The following MROH9 variants were observed in gnomAD, a reference collection of about 807,000 sequenced individuals.
The protein encoded by MROH9 is maestro heat-like repeat-containing protein family member 9.
MROH9 carries 92 observed loss-of-function variants against 98.2 expected under a neutral mutation model. The observed-to-expected ratio is 0.94, with a 90% CI of 0.79 to 1.11. The LOEUF (loss-of-function observed/expected upper bound fraction) is 1.11. Ranked by LOEUF, MROH9 falls within the 50% of genes most tolerant of loss-of-function variation. The pLI, the probability that MROH9 is intolerant of heterozygous loss-of-function variation, is 0.00. For synonymous variants in MROH9, 397 were observed against 368.9 expected, an observed-to-expected ratio of 1.08 and a Z score of -0.87; for missense variants, 1,057 against 1,014.8, an observed-to-expected ratio of 1.04 and a Z score of -0.57.
intron 1 of MROH9, among the ~76,000 whole-genome samples, chr1:170,939,984 C>G (rs1287278601): frequency 6.6e-6 from 1 of 152,198 alleles, no homozygotes; most frequent in East Asian, 1.9e-4. Context: ...TGTCCAAGTA[C>G]CAGAGCAGAC....
chr1:170,984,314 A>C (rs1651046708), intron 9 of MROH9, among the ~76,000 whole-genome samples: 3 of 152,184 alleles, frequency 2.0e-5, no homozygotes, highest in Admixed American at 6.5e-5. Flanking sequence ...GATGGGTTGA[A>C]TTGTGGGAGG....
Position 170,959,593 on chromosome 1 carries a change from T to C in MROH9, c.284T>C (p.Met95Thr), listed in dbSNP as rs1649935493. 2.5e-6 allele frequency: 4 copies of C among 1,611,168 alleles called. 1 individual carries two copies. The highest frequency in any genetic ancestry group is 3.3e-4 in the Middle Eastern group (2 of 6,034). Residue 95 changes from methionine to threonine, a missense_variant, in exon 5 of 22, where the codon ATG (methionine) becomes ACG (threonine). Coordinates refer to ENST00000367759, the MANE Select transcript of MROH9 (RefSeq NM_001163629.2). ...AGCAGTTATGAGTACATTGAGGACA[T>C]GGAGGTAAAATTTTTCTTCCTTTAA... ...MGSSYEYIED[M>T]ENLYHNILNI...
rs181563828 is a variant in MROH9, at chr1:171,034,345, G to A, written c.2281+8925G>A. Among the ~76,000 whole-genome samples the A allele has an allele frequency of 6.2e-4, 94 of 152,234 alleles. 1 individual carries two copies. Among genetic ancestry groups the A allele is most frequent in the African/African-American group, 2.1e-3 (87 of 41,554 alleles). ...GAGGATGGAATTCATCTAACTAATG[G>A]ATGAATGGATGAACTATTGCAAAAA... is the stretch of plus-strand genomic sequence containing the variant. On this transcript the variant is annotated intron_variant, in intron 20 of 21. Transcript: ENST00000367759.
intron 1 of MROH9, among the ~76,000 whole-genome samples, chr1:170,944,529 G>A (rs1283054345): frequency 2.6e-5 from 4 of 151,866 alleles, no homozygotes; most frequent in African/African-American, 9.7e-5. Flanking sequence ...ACATACTCGA[G>A]GTACTTATAA....
At chr1:170,994,640 ATATTAT>A (rs969379077) in intron 12 of MROH9, among the ~76,000 whole-genome samples, 10 of 152,096 alleles carry the variant, frequency 6.6e-5, no homozygotes, top group African/African-American at 2.2e-4. Context: ...ATTTAAAAAT[ATATTAT>A]TATTGACAGT....
At chr1:171,020,551 T>C (rs2101838203) in intron 17 of MROH9, among the ~76,000 whole-genome samples, 1 of 152,268 alleles carries the variant, frequency 6.6e-6, no homozygotes, top group South Asian at 2.1e-4. Flanking sequence ...AGGCCTTCGA[T>C]AAAATTCAAC....
chr1:170,949,301 G>T (rs1363699957), intron 3 of MROH9, among the ~76,000 whole-genome samples: 3 of 152,024 alleles, frequency 2.0e-5, no homozygotes. Flanking sequence ...CTGAAATGGA[G>T]AGGGGTGGTC....
chr1:171,051,903 G>T (rs1335811715), intron 20 of MROH9, among the ~76,000 whole-genome samples: 1 of 152,026 alleles, frequency 6.6e-6, no homozygotes, highest in African/African-American at 2.4e-5. Flanking sequence ...CATTTGTTTT[G>T]TGCCTTTGCC....
intron 20 of MROH9, among the ~76,000 whole-genome samples, chr1:171,046,940 A>G (rs1653488490): frequency 6.6e-6 from 1 of 152,150 alleles, no homozygotes; most frequent in African/African-American, 2.4e-5. Context: ...CAGATATACT[A>G]TTCTAGTGTA....
At chr1:171,035,952 A>C (rs904551359) in intron 20 of MROH9, among the ~76,000 whole-genome samples, 1 of 152,188 alleles carries the variant, frequency 6.6e-6, no homozygotes, top group Non-Finnish European at 1.5e-5. Flanking sequence ...AAAGATATGT[A>C]CTAGAATATT....
intron 9 of MROH9, among the ~76,000 whole-genome samples, chr1:170,984,800 C>A (rs1418722446): frequency 1.3e-5 from 2 of 152,190 alleles, no homozygotes; most frequent in African/African-American, 4.8e-5. Context: ...GCAAGCCCAG[C>A]ACTACATGCG....
chr1:170,982,226 T>G (rs1048292818), intron 8 of MROH9, among the ~76,000 whole-genome samples: 4 of 151,622 alleles, frequency 2.6e-5, no homozygotes, highest in African/African-American at 4.9e-5. Flanking sequence ...GATAAAGAGA[T>G]TTGGGTATGT....
intron 3 of MROH9, among the ~76,000 whole-genome samples, chr1:170,950,661 C>G (rs997112354): frequency 6.6e-6 from 1 of 152,088 alleles, no homozygotes; most frequent in African/African-American, 2.4e-5. Flanking sequence ...TTGTACTGTA[C>G]TGCACATGCA....
At chr1:170,965,325 C>A in intron 7 of MROH9, 70 bp downstream of exon 7, 1 of 1,089,572 alleles carries the variant, frequency 9.2e-7, no homozygotes, top group Non-Finnish European at 1.4e-6. Flanking sequence ...CTTTCCATGT[C>A]TTGGGTCCTA....
intron 20 of MROH9, among the ~76,000 whole-genome samples, chr1:171,041,498 A>C (rs1358431038): frequency 1.3e-5 from 2 of 150,188 alleles, no homozygotes; most frequent in African/African-American, 4.9e-5. Context: ...TGATTGCATG[A>C]CTTTGCTATT....
intron 3 of MROH9, among the ~76,000 whole-genome samples, chr1:170,952,909 GAC>G (rs1435721764): frequency 1.3e-5 from 2 of 151,998 alleles, no homozygotes. Context: ...GGAGGTATCA[GAC>G]AAATCTTTAC....
chr1:171,046,939 T>A lies in MROH9; in HGVS notation c.2282-15193T>A, dbSNP rs189310808. 3.8e-3 allele frequency among the ~76,000 whole-genome samples: 585 copies of A among 152,340 alleles called. 5 individuals are homozygous for A. Among genetic ancestry groups the A allele is most frequent in the African/African-American group, 0.014 (564 of 41,584 alleles). ...TGAAGGATATTTTCATCAGATATAC[T>A]ATTCTAGTGTAACATAGTTTTCCTT... On this transcript the variant is annotated intron_variant, in intron 20 of 21. Transcript: ENST00000367759.
chr1:170,989,402 T>C (rs1254195069), intron 10 of MROH9, among the ~76,000 whole-genome samples: 1 of 152,240 alleles, frequency 6.6e-6, no homozygotes, highest in Non-Finnish European at 1.5e-5. Flanking sequence ...TTTACCATTC[T>C]GGGTCATTCC....
intron 20 of MROH9, among the ~76,000 whole-genome samples, chr1:171,050,598 TC>T (rs1653632373): frequency 8.5e-6 from 1 of 117,824 alleles, no homozygotes; most frequent in Non-Finnish European, 1.9e-5. Flanking sequence ...GCATGTAACA[TC>T]ATATCATCAG....
Sources: gnomAD v4.1 joint callset for allele counts (sites outside exome capture counted in the v4.1 genomes callset) on GRCh38, gnomAD v4.1.1 for gene constraint, MANE v1.5 for transcripts, NCBI Gene and HGNC (gene_info 2026-07-23, HGNC 2026-07-21) for gene names.